The following ZER1 variants were observed in gnomAD, a reference collection of about 807,000 sequenced individuals.
The protein encoded by ZER1 is zyg-11 related cell cycle regulator, also known as protein zer-1 homolog.
In ZER1, 11 loss-of-function variants were observed where a neutral mutation model predicts 78.8. The observed-to-expected ratio is 0.14, with a 90% CI of 0.09 to 0.23. The LOEUF is 0.23. ZER1 is among the 10% of genes least tolerant of loss of function. The pLI, the probability that ZER1 is intolerant of heterozygous loss-of-function variation, is 1.00. For missense variants in ZER1, 588 were observed against 996.9 expected (o/e 0.59, Z 5.52); for synonymous variants, 400 against 407.0 (o/e 0.98, Z 0.21).
intron 13 of ZER1, among the ~76,000 whole-genome samples, chr9:128,738,832 C>G (rs1271823331): frequency 6.8e-6 from 1 of 148,072 alleles, no homozygotes; most frequent in African/African-American, 2.5e-5. Context: ...CAGGTGTGCA[C>G]CATCACACCC....
chr9:128,751,458 G>A lies in ZER1; in HGVS notation c.993C>T (p.Leu331=). The change falls in exon 6 of 16, where the codon CTC becomes CTT. Residue 331 remains leucine (L), a synonymous_variant. Coordinates refer to ENST00000291900, the MANE Select transcript of ZER1 (RefSeq NM_006336.4). This position sits in a 1 kb window ranked among gnomAD's most constrained non-coding sequence, Gnocchi z 5.4. ...ALKRPLQFLG[L]FENSLCRLTH... is the part of the protein sequence containing the mutation. ...TGAGGCGGCACAGAGAGTTCTCAAA[G>A]AGCCCGAGGAACTGCAGCGGCCTCT... is the stretch of plus-strand genomic sequence containing the variant. The A allele has an allele frequency of 1.2e-6, 2 of 1,614,136 alleles. No individual in the cohort carries two copies. The highest frequency in any genetic ancestry group is 1.7e-6 in the Non-Finnish European group (2 of 1,180,046).
At chr9:128,757,097 A>G (rs530211483) in intron 1 of ZER1, among the ~76,000 whole-genome samples, 2 of 152,356 alleles carry the variant, frequency 1.3e-5, no homozygotes, top group South Asian at 4.1e-4. Context: ...TGTGAAAGTT[A>G]AAACAATAAG....
At chr9:128,733,992 G>T (rs1269631831) in intron 14 of ZER1, among the ~76,000 whole-genome samples, 1 of 120,868 alleles carries the variant, frequency 8.3e-6, no homozygotes, top group Non-Finnish European at 1.7e-5. Flanking sequence ...GCCAGGCATG[G>T]TGGCGGGCGC....
At chr9:128,745,719 T>C (rs1446306313) in intron 8 of ZER1, 1 of 152,206 alleles carries the variant, frequency 6.6e-6, no homozygotes, top group Non-Finnish European at 1.5e-5. Context: ...GGTGCCATCA[T>C]AGCTCACTGC....
intron 1 of ZER1, among the ~76,000 whole-genome samples, chr9:128,764,520 A>G (rs1338747192): frequency 1.3e-5 from 2 of 152,122 alleles, no homozygotes; most frequent in African/African-American, 4.8e-5. Context: ...AAAGCCCCCA[A>G]AACATAAGCC....
At chr9:128,735,216 C>G (rs12351673) in intron 14 of ZER1, 118 bp downstream of exon 14, 99 of 940,386 alleles carry the variant, frequency 1.1e-4, no homozygotes, top group Non-Finnish European at 1.3e-4. Flanking sequence ...GGGTTCTGCT[C>G]TGAGGCACAA....
intron 8 of ZER1, among the ~76,000 whole-genome samples, chr9:128,743,583 G>A (rs142325736): frequency 6.6e-6 from 1 of 151,742 alleles, no homozygotes. Context: ...CACCATATGC[G>A]CAGCTATTTT....
At chr9:128,749,320 C>T (rs780950260) in intron 8 of ZER1, among the ~76,000 whole-genome samples, 5 of 151,760 alleles carry the variant, frequency 3.3e-5, no homozygotes, top group African/African-American at 4.8e-5. Flanking sequence ...GAGTAAGACT[C>T]CATCTCGAAA....
intron 1 of ZER1, among the ~76,000 whole-genome samples, chr9:128,769,641 T>C (rs1864323635): frequency 6.6e-6 from 1 of 152,142 alleles, no homozygotes; most frequent in African/African-American, 2.4e-5. Context: ...CTCGAACTCC[T>C]GACCTCAGGT....
rs1863243887 is a variant in ZER1, at chr9:128,740,245, A to C, written c.1854-126T>G. On this transcript the variant is annotated intron_variant, in intron 12 of 15. Transcript: ENST00000291900. This position sits in a 1 kb window ranked among gnomAD's most constrained non-coding sequence, Gnocchi z 4.4. Reference sequence around the variant, plus strand: ...CTTATTTCTTTATCCCATATCGTCTATATACCCAGACTACTTCTAAAGGGA... The same window carrying C: ...CTTATTTCTTTATCCCATATCGTCTCTATACCCAGACTACTTCTAAAGGGA... 5 of 942,244 alleles carry C rather than the reference A, an allele frequency of 5.3e-6. No homozygotes were observed. The highest frequency in any genetic ancestry group is 4.7e-6 in the Non-Finnish European group (3 of 635,594). 58.4% of individuals were successfully genotyped at this position (942,244 alleles called of 1,614,324 possible). A position where few individuals can be genotyped will look rare whatever the true frequency, so the allele number is the denominator to read the frequency against.
At chr9:128,733,254 G>A (rs545719997) in intron 15 of ZER1, 172 bp downstream of exon 15, 27 of 542,980 alleles carry the variant, frequency 5.0e-5, no homozygotes, top group Middle Eastern at 4.9e-4. Flanking sequence ...CAATGTGGTC[G>A]AGATGACATT....
Position 128,751,516 on chromosome 9 carries a change from G to A in ZER1, c.935C>T (p.Ser312Phe). ...EEAGQTSIEPSKSSIIPFRAL... is the reference protein window; with the variant it reads ...EEAGQTSIEPFKSSIIPFRAL... ...CCGGAAAGGTATGATGCTGCTCTTG[G>A]AAGGCTCAATGCTGGGGAAAGAGGG... Residue 312 changes from serine (S) to phenylalanine (F), a missense_variant, in exon 6 of 16, where the codon TCC becomes TTC. Coordinates refer to ENST00000291900, the MANE Select transcript of ZER1 (RefSeq NM_006336.4). The surrounding 1 kb of genome is among the most constrained non-coding windows in gnomAD (Gnocchi z 5.4). 6.2e-7 allele frequency: 1 copy of A among 1,613,476 alleles called. No individual in the cohort carries two copies. Among genetic ancestry groups the A allele is most frequent in the Non-Finnish European group, 8.5e-7 (1 of 1,180,018 alleles).
Position 128,753,605 on chromosome 9 carries a change from G to C in ZER1, c.310-5C>G. Reference sequence around the variant, plus strand: ...CAGGTACAGCTCCACCAGGTCCTGGGAGTGGGCACAGCTCCATCATCATCA... The same window carrying C: ...CAGGTACAGCTCCACCAGGTCCTGGCAGTGGGCACAGCTCCATCATCATCA... On this transcript the variant is annotated splice_region_variant and splice_polypyrimidine_tract_variant and intron_variant, in intron 3 of 15. Coordinates refer to ENST00000291900, the MANE Select transcript of ZER1 (RefSeq NM_006336.4). This position sits in a 1 kb window ranked among gnomAD's most constrained non-coding sequence, Gnocchi z 7.5. 1 of 1,612,096 alleles carries C rather than the reference G, an allele frequency of 6.2e-7. No individual in the cohort carries two copies. Among genetic ancestry groups the C allele is most frequent in the Non-Finnish European group, 8.5e-7 (1 of 1,179,304 alleles).
At chr9:128,757,790 T>A (rs1014288940) in intron 1 of ZER1, among the ~76,000 whole-genome samples, 1 of 152,164 alleles carries the variant, frequency 6.6e-6, no homozygotes, top group Non-Finnish European at 1.5e-5. Flanking sequence ...TGGTGTGAAC[T>A]GGGAATACAA....
Position 128,740,452 on chromosome 9 carries a change from C to T in ZER1, c.1853+320G>A, listed in dbSNP as rs1236905009. Among the ~76,000 whole-genome samples, 9 of 151,950 alleles carry T rather than the reference C, an allele frequency of 5.9e-5. 1 individual carries two copies. The highest frequency in any genetic ancestry group is 3.3e-4 in the Admixed American group (5 of 15,254). ...AAAATTAGCTGGGCGTGGTGGCAGG[C>T]GCCTGTAGTCTCAGCTACTCGGGAG... On this transcript the variant is annotated intron_variant, in intron 12 of 15. Transcript: ENST00000291900. The surrounding 1 kb of genome is among the most constrained non-coding windows in gnomAD (Gnocchi z 4.4).
At chr9:128,738,034 T>C (rs1863147664) in intron 13 of ZER1, among the ~76,000 whole-genome samples, 1 of 146,042 alleles carries the variant, frequency 6.8e-6, no homozygotes, top group African/African-American at 2.5e-5. Context: ...TTTATTCATT[T>C]TTATTTTTAT....
intron 1 of ZER1, among the ~76,000 whole-genome samples, chr9:128,757,961 T>C (rs983939160): frequency 6.6e-6 from 1 of 152,190 alleles, no homozygotes; most frequent in African/African-American, 2.4e-5. Flanking sequence ...CTATTTGTAA[T>C]GGCCAAAACC....
intron 10 of ZER1, 24 bp from the exon 11 acceptor site, chr9:128,741,678 G>T (rs750025916): frequency 1.9e-6 from 3 of 1,613,942 alleles, no homozygotes; most frequent in African/African-American, 2.7e-5. Context: ...GCAGGGCTCA[G>T]CCAAGGCTCC....
At chr9:128,766,980 T>C (rs1053333536) in intron 1 of ZER1, among the ~76,000 whole-genome samples, 24 of 151,434 alleles carry the variant, frequency 1.6e-4, no homozygotes, top group Non-Finnish European at 2.7e-4. Flanking sequence ...TTTGCTCTTG[T>C]TGCCCAAGCT....
Sources: gnomAD v4.1 joint callset for allele counts (sites outside exome capture counted in the v4.1 genomes callset) on GRCh38, gnomAD v4.1.1 for gene constraint, Gnocchi (gnomAD v3.1) non-coding constraint, MANE v1.5 for transcripts, NCBI Gene and HGNC (gene_info 2026-07-23, HGNC 2026-07-21) for gene names.